MAGI2: variants seen among roughly 807,000 people sequenced by gnomAD.
The protein encoded by MAGI2 is membrane associated guanylate kinase, WW and PDZ domain containing 2.
A neutral mutation model predicts 133.3 loss-of-function variants in MAGI2; 35 were observed. That is an observed-to-expected ratio of 0.26 (90% confidence interval 0.20 to 0.35). The LOEUF is 0.35. Ranked by LOEUF, MAGI2 falls within the 10% of genes least tolerant of loss-of-function variation. MAGI2 has a pLI of 1.00. For synonymous variants in MAGI2, 729 were observed against 710.6 expected (o/e 1.03, Z -0.41); for missense variants, 1,636 against 1,863.4 (o/e 0.88, Z 2.25).
intron 16 of MAGI2, among the ~76,000 whole-genome samples, chr7:78,154,119 C>T (rs1230730345): frequency 2.0e-5 from 3 of 152,206 alleles, no homozygotes; most frequent in African/African-American, 4.8e-5. Context: ...AGGAACCATA[C>T]TCTAAAATGT....
intron 1 of MAGI2, among the ~76,000 whole-genome samples, chr7:79,276,740 G>T (rs1168072483): frequency 6.6e-6 from 1 of 152,168 alleles, no homozygotes; most frequent in East Asian, 1.9e-4. Context: ...AAGGCAGGCA[G>T]ATCGCTTGAG....
intron 6 of MAGI2, among the ~76,000 whole-genome samples, chr7:78,461,403 T>TGTGTGTGC (rs1554423794): frequency 5.1e-4 from 64 of 126,626 alleles, no homozygotes; most frequent in Middle Eastern, 3.9e-3. Flanking sequence ...CGTGTGTGTG[T>TGTGTGTGC]GTGTGTGTGT....
chr7:79,140,189 A>G lies in MAGI2; in HGVS notation c.302-132983T>C, dbSNP rs116164091. Reference sequence around the variant, plus strand: ...CCATCACATTTGCTAGCTTAAAGCAATTTTTATTTGTCACTGTGGAGAAAT... The same window carrying G: ...CCATCACATTTGCTAGCTTAAAGCAGTTTTTATTTGTCACTGTGGAGAAAT... On this transcript the variant is annotated intron_variant, in intron 1 of 21. Transcript: ENST00000354212. 4.6e-3 allele frequency among the ~76,000 whole-genome samples: 694 copies of G among 152,306 alleles called. 4 individuals carry two copies. Among genetic ancestry groups the G allele is most frequent in the African/African-American group, 0.016 (648 of 41,574 alleles).
intron 6 of MAGI2, among the ~76,000 whole-genome samples, chr7:78,379,395 CAG>C (rs1346751314): frequency 6.6e-6 from 1 of 151,778 alleles, no homozygotes; most frequent in Non-Finnish European, 1.5e-5. Flanking sequence ...AAAAATAAAA[CAG>C]AGTTTACAGT....
At chr7:79,167,224 G>A (rs111290518) in intron 1 of MAGI2, among the ~76,000 whole-genome samples, 8,958 of 150,992 alleles carry the variant, frequency 0.059, 338 homozygotes, top group Middle Eastern at 0.097. Context: ...ATCCTTTTTC[G>A]CCTCCTTTTG....
chr7:78,326,925 T>C (rs905790611), intron 9 of MAGI2, among the ~76,000 whole-genome samples: 4 of 152,100 alleles, frequency 2.6e-5, no homozygotes, highest in South Asian at 2.1e-4. Flanking sequence ...GAGAGGAAGA[T>C]CTTTCTCTCT....
chr7:78,754,999 A>G (rs1823807420), intron 2 of MAGI2, among the ~76,000 whole-genome samples: 1 of 152,212 alleles, frequency 6.6e-6, no homozygotes, highest in Non-Finnish European at 1.5e-5. Flanking sequence ...TCTATTATGA[A>G]AAATGTATTA....
chr7:78,695,094 G>A (rs556127439), intron 2 of MAGI2, among the ~76,000 whole-genome samples: 3 of 152,126 alleles, frequency 2.0e-5, no homozygotes, highest in Admixed American at 6.5e-5. Flanking sequence ...GCGTGGTGGC[G>A]GGTGCCTGTA....
intron 2 of MAGI2, among the ~76,000 whole-genome samples, chr7:78,729,967 C>T (rs762867226): frequency 1.8e-4 from 27 of 152,182 alleles, no homozygotes; most frequent in Non-Finnish European, 2.9e-4. Flanking sequence ...TTTAGGCCCA[C>T]TAAAGTAATG....
At chr7:79,452,421 A>G (rs1318912024) in intron 1 of MAGI2, among the ~76,000 whole-genome samples, 1 of 152,128 alleles carries the variant, frequency 6.6e-6, no homozygotes, top group African/African-American at 2.4e-5. Flanking sequence ...AAGAAGGGGA[A>G]AAGTTACAGA....
chr7:79,108,140 T>A (rs944776324), intron 1 of MAGI2, among the ~76,000 whole-genome samples: 6 of 152,220 alleles, frequency 3.9e-5, no homozygotes, highest in African/African-American at 1.4e-4. Context: ...GGAGGTGACC[T>A]TGGTGATTCT....
chr7:79,425,371 C>G (rs1017863181), intron 1 of MAGI2, among the ~76,000 whole-genome samples: 1 of 151,734 alleles, frequency 6.6e-6, no homozygotes, highest in Admixed American at 6.6e-5. Context: ...ACGGAAGAAC[C>G]AAAATTAGTA....
chr7:78,303,695 A>G lies in MAGI2; in HGVS notation c.1408+40083T>C, dbSNP rs143492359. ...ACTCCCACAATTTTCCAGTCACTAT[A>G]TAAGTGCTTGGTAAATGGGAATGCA... On this transcript the variant is annotated intron_variant, in intron 9 of 21. Transcript: ENST00000354212. Among the ~76,000 whole-genome samples, 327 of 152,318 alleles carry G rather than the reference A, an allele frequency of 2.1e-3. 1 individual carries two copies. Among genetic ancestry groups the G allele is most frequent in the Non-Finnish European group, 3.1e-3 (208 of 68,030 alleles).
intron 2 of MAGI2, among the ~76,000 whole-genome samples, chr7:78,970,850 C>G (rs1169303928): frequency 1.3e-5 from 2 of 152,022 alleles, no homozygotes; most frequent in East Asian, 3.9e-4. Flanking sequence ...TGCCTGGGAG[C>G]CCAGAAATCA....
intron 1 of MAGI2, among the ~76,000 whole-genome samples, chr7:79,307,772 C>G (rs1027440902): frequency 1.1e-4 from 16 of 152,180 alleles, no homozygotes; most frequent in African/African-American, 3.9e-4. Flanking sequence ...GCCAAAGTCT[C>G]TTCCTACTGT....
chr7:78,085,815 A>T (rs1287625577), intron 20 of MAGI2, among the ~76,000 whole-genome samples: 2 of 152,190 alleles, frequency 1.3e-5, no homozygotes, highest in Admixed American at 1.3e-4. Flanking sequence ...TGCAGGTGGT[A>T]CGCCTTCTTT....
chr7:79,007,747 A>T (rs534483564), intron 1 of MAGI2, among the ~76,000 whole-genome samples: 1 of 152,110 alleles, frequency 6.6e-6, no homozygotes, highest in African/African-American at 2.4e-5. Context: ...GATTTAGTTA[A>T]GTAGGATGGT....
At chr7:78,722,394 G>T (rs1312979864) in intron 2 of MAGI2, among the ~76,000 whole-genome samples, 1 of 151,878 alleles carries the variant, frequency 6.6e-6, no homozygotes, top group East Asian at 1.9e-4. Context: ...TTCAAAATAG[G>T]TTTCATAGGC....
chr7:79,160,476 TATC>T (rs1368166799), intron 1 of MAGI2, among the ~76,000 whole-genome samples: 19 of 152,200 alleles, frequency 1.2e-4, no homozygotes, highest in African/African-American at 4.3e-4. Context: ...TGTAGATTGT[TATC>T]ATCAGCTTCT....
Sources: gnomAD v4.1 joint callset for allele counts (sites outside exome capture counted in the v4.1 genomes callset) on GRCh38, gnomAD v4.1.1 for gene constraint, MANE v1.5 for transcripts, NCBI Gene and HGNC (gene_info 2026-07-23, HGNC 2026-07-21) for gene names.